Variants in SDCCAG8 observed in about 807,000 individuals in gnomAD.
SDCCAG8 encodes the protein SHH signaling and ciliogenesis regulator SDCCAG8.
SDCCAG8 carries 74 observed loss-of-function variants against 101.8 expected under a neutral mutation model. The observed-to-expected ratio is 0.73, with a 90% confidence interval of 0.60 to 0.88. The LOEUF is 0.88. Ranked by LOEUF, SDCCAG8 falls within the 40% of genes least tolerant of loss-of-function variation. The pLI, the probability that SDCCAG8 is intolerant of heterozygous loss-of-function variation, is 0.00. For synonymous variants in SDCCAG8, 281 were observed against 292.9 expected, an observed-to-expected ratio of 0.96 and a Z score of 0.41; for missense variants, 787 against 822.6, an observed-to-expected ratio of 0.96 and a Z score of 0.53.
chr1:243,367,968 C>G (rs1179106112), intron 12 of SDCCAG8, among the ~76,000 whole-genome samples: 1 of 151,702 alleles, frequency 6.6e-6, no homozygotes, highest in Non-Finnish European at 1.5e-5. Flanking sequence ...AATCCCAACA[C>G]TTTGGGAGGT....
chr1:243,361,767 T>A (rs983618327), intron 12 of SDCCAG8, among the ~76,000 whole-genome samples: 2 of 152,248 alleles, frequency 1.3e-5, no homozygotes, highest in Non-Finnish European at 2.9e-5. Context: ...CTTCACTGGC[T>A]ACTAATGTAT....
At chr1:243,398,058 AATG>A (rs890584357) in intron 13 of SDCCAG8, among the ~76,000 whole-genome samples, 1 of 152,214 alleles carries the variant, frequency 6.6e-6, no homozygotes, top group Non-Finnish European at 1.5e-5. Flanking sequence ...CACCGGGAAA[AATG>A]ATGACAATGC....
intron 16 of SDCCAG8, among the ~76,000 whole-genome samples, chr1:243,449,607 C>T (rs1342862092): frequency 6.6e-6 from 1 of 152,202 alleles, no homozygotes; most frequent in African/African-American, 2.4e-5. Context: ...GTATCTCTTC[C>T]ACTTTAAAAT....
intron 16 of SDCCAG8, among the ~76,000 whole-genome samples, chr1:243,442,000 G>A (rs1034229550): frequency 2.6e-5 from 4 of 151,980 alleles, no homozygotes; most frequent in Non-Finnish European, 4.4e-5. Context: ...TCAGCTCTCT[G>A]TGGCAAAAAG....
At chr1:243,319,158 C>T (rs1364365705) in intron 9 of SDCCAG8, among the ~76,000 whole-genome samples, 2 of 152,046 alleles carry the variant, frequency 1.3e-5, no homozygotes, top group Non-Finnish European at 2.9e-5. Context: ...GGCACCAAGC[C>T]ATTCATGAGG....
chr1:243,322,257 G>A lies in SDCCAG8; in HGVS notation c.1068+5364G>A, dbSNP rs2149338710. On this transcript the variant is annotated intron_variant, in intron 9 of 17. Transcript: ENST00000366541. ...ACACTCAAATCTGTCTCCTCGTTCT[G>A]CGGCAAGATCAGGAAGATTGGTTTC... Among the ~76,000 whole-genome samples the A allele has an allele frequency of 1.3e-5, 2 of 152,302 alleles. 1 individual carries two copies. Among genetic ancestry groups the A allele is most frequent in the South Asian group, 4.1e-4 (2 of 4,830 alleles).
intron 12 of SDCCAG8, among the ~76,000 whole-genome samples, chr1:243,372,391 C>T (rs920009466): frequency 2.6e-5 from 4 of 152,088 alleles, no homozygotes; most frequent in African/African-American, 9.7e-5. Context: ...ATAATGTTTA[C>T]TAGCAGGAAT....
chr1:243,258,602 G>C (rs1251994275), intron 1 of SDCCAG8, among the ~76,000 whole-genome samples: 1 of 151,968 alleles, frequency 6.6e-6, no homozygotes, highest in South Asian at 2.1e-4. Flanking sequence ...ACTGGGTTTC[G>C]CCATGTTGGT....
chr1:243,380,733 G>A (rs1404855474), intron 13 of SDCCAG8, among the ~76,000 whole-genome samples: 3 of 151,306 alleles, frequency 2.0e-5, no homozygotes, highest in East Asian at 3.9e-4. Context: ...AAATTTAAAC[G>A]TAGTTTTACA....
chr1:243,433,917 C>T (rs1187507318), intron 16 of SDCCAG8, among the ~76,000 whole-genome samples: 1 of 152,224 alleles, frequency 6.6e-6, no homozygotes, highest in Non-Finnish European at 1.5e-5. Flanking sequence ...ATGCAATATT[C>T]TACTGGCCGC....
At chr1:243,368,641 A>G (rs2077121113) in intron 12 of SDCCAG8, among the ~76,000 whole-genome samples, 1 of 152,152 alleles carries the variant, frequency 6.6e-6, no homozygotes, top group African/African-American at 2.4e-5. Context: ...CATTCCTGGG[A>G]TGTCTTTCCT....
At position 243,447,619 on chromosome 1, in the gene SDCCAG8, G is replaced by A. The variant is rs561784552; in HGVS notation, c.1985+21061G>A. Among the ~76,000 whole-genome samples, 53 of 152,110 alleles carry A rather than the reference G, an allele frequency of 3.5e-4. No individual in the cohort carries two copies. The South Asian group carries it at 8.1e-3, about 23-fold the overall frequency. ...TGCAAATGTGTTTTACAGACAATCC[G>A]TCCTTCACAGATAGTCTTTGAAAAA... On this transcript the variant is annotated intron_variant, in intron 16 of 17. Coordinates refer to ENST00000366541, the MANE Select transcript of SDCCAG8 (RefSeq NM_006642.5).
At chr1:243,258,737 T>A (rs1441633287) in intron 1 of SDCCAG8, among the ~76,000 whole-genome samples, 2 of 152,244 alleles carry the variant, frequency 1.3e-5, no homozygotes, top group Admixed American at 1.3e-4. Flanking sequence ...ATTCTGTTCC[T>A]TAATAAACAA....
chr1:243,277,748 TTTC>T (rs1301760870), intron 4 of SDCCAG8, among the ~76,000 whole-genome samples: 1 of 152,198 alleles, frequency 6.6e-6, no homozygotes. Flanking sequence ...TATTTTCTCC[TTTC>T]TTCTTCTAGT....
At chr1:243,319,729 A>G (rs1573256120) in intron 9 of SDCCAG8, among the ~76,000 whole-genome samples, 1 of 152,014 alleles carries the variant, frequency 6.6e-6, no homozygotes, top group South Asian at 2.1e-4. Flanking sequence ...CTCTTTCATC[A>G]TCCTTAAATG....
In SDCCAG8 at chr1:243,416,876, A is replaced by G. The variant is rs2080621251; in HGVS notation, c.1744+1047A>G. Among the ~76,000 whole-genome samples, 1 of 152,132 alleles carries G rather than the reference A, an allele frequency of 6.6e-6. No individual in the cohort carries two copies. Among genetic ancestry groups the G allele is most frequent in the African/African-American group, 2.4e-5 (1 of 41,438 alleles). On this transcript the variant is annotated intron_variant, in intron 14 of 17. Coordinates refer to ENST00000366541, the MANE Select transcript of SDCCAG8 (RefSeq NM_006642.5). This position sits in a 1 kb window ranked among gnomAD's most constrained non-coding sequence, Gnocchi z 4.3. ...AATTTTAGTGCCTTGATTTATTTTGATTTGTATGCTATATGCTTTTTGCCA... is the reference window on the plus strand; with the variant it reads ...AATTTTAGTGCCTTGATTTATTTTGGTTTGTATGCTATATGCTTTTTGCCA...
At chr1:243,352,184 T>C (rs1206822407) in intron 12 of SDCCAG8, among the ~76,000 whole-genome samples, 2 of 152,170 alleles carry the variant, frequency 1.3e-5, no homozygotes, top group East Asian at 3.8e-4. Context: ...CATCTGAAAA[T>C]AGCAATTTAG....
chr1:243,495,868 C>A (rs966217789), intron 17 of SDCCAG8, among the ~76,000 whole-genome samples: 23 of 152,150 alleles, frequency 1.5e-4, no homozygotes, highest in African/African-American at 4.6e-4. Flanking sequence ...CTGGCTGCCC[C>A]TCATCTGCCA....
intron 9 of SDCCAG8, among the ~76,000 whole-genome samples, chr1:243,317,412 C>T (rs987815735): frequency 2.0e-5 from 3 of 151,740 alleles, no homozygotes; most frequent in African/African-American, 7.3e-5. Flanking sequence ...CCTCTTCCTC[C>T]TGGGTTCAAG....
Sources: gnomAD v4.1 joint callset for allele counts (sites outside exome capture counted in the v4.1 genomes callset) on GRCh38, gnomAD v4.1.1 for gene constraint, Gnocchi (gnomAD v3.1) non-coding constraint, MANE v1.5 for transcripts, NCBI Gene and HGNC (gene_info 2026-07-23, HGNC 2026-07-21) for gene names.